CRB1: variants seen among roughly 807,000 people sequenced by gnomAD.
CRB1 encodes the protein protein crumbs homolog 1.
Under a neutral mutation model 120.0 loss-of-function variants are expected in CRB1, and 83 were observed. The observed-to-expected ratio is 0.69, with a 90% confidence interval of 0.58 to 0.83. CRB1 has a LOEUF of 0.83. Among genes scored for constraint, CRB1 ranks in the 40% least tolerant of loss-of-function variants. CRB1 has a pLI of 0.00. For synonymous variants in CRB1, 625 were observed against 612.5 expected (o/e 1.02, Z -0.30); for missense variants, 1,699 against 1,687.6 (o/e 1.01, Z -0.12).
Position 197,344,397 on chromosome 1 carries a change from G to T in CRB1, c.769G>T (p.Asp257Tyr), listed in dbSNP as rs2125328452. 1 of 1,614,036 alleles carries T rather than the reference G, an allele frequency of 6.2e-7. No individual in the cohort carries two copies. The highest frequency in any genetic ancestry group is 8.5e-7 in the Non-Finnish European group (1 of 1,179,974). The change falls in exon 3 of 12, where the codon GAT (aspartate) becomes TAT (tyrosine). Residue 257 changes from aspartate to tyrosine, a missense_variant. Transcript: ENST00000367400. ...CGACTGTGCCCCTGGATTCCTGGGG[G>T]ATCACTGTGAACTCAACACTGATGA... is the stretch of plus-strand genomic sequence containing the variant. ...FCDCAPGFLGDHCELNTDECA... is the reference protein window; with the variant it reads ...FCDCAPGFLGYHCELNTDECA...
chr1:197,289,426 TA>T (rs1425891296), intron 1 of CRB1, among the ~76,000 whole-genome samples: 1 of 151,856 alleles, frequency 6.6e-6, no homozygotes, highest in African/African-American at 2.4e-5. Flanking sequence ...GCATTTTCTT[TA>T]TCTTCAGTGT....
Position 197,427,917 on chromosome 1 carries a change from C to T in CRB1, c.2592C>T (p.Phe864=). The T allele has an allele frequency of 6.2e-7, 1 of 1,614,014 alleles. No individual in the cohort carries two copies. The highest frequency in any genetic ancestry group is 8.5e-7 in the Non-Finnish European group (1 of 1,179,960). The change falls in exon 7 of 12, where the codon TTC becomes TTT. Residue 864 remains phenylalanine, a synonymous_variant. Coordinates refer to ENST00000367400, the MANE Select transcript of CRB1 (RefSeq NM_201253.3). ...GACTAAACAACCAAAATCTGGAATT[C>T]TTTCCAAATCCAACAAACAATGCAT... ...DVRLNNQNLE[F]FPNPTNNASL... is the part of the protein sequence containing the mutation.
At position 197,333,104 on chromosome 1, in the gene CRB1, C is replaced by A. The variant is rs74136094; in HGVS notation, c.652+4101C>A. The stretch of plus-strand genomic sequence containing the variant: ...AAGAACTCCTCTTACAGAAAAAAAC[C>A]TGTGTTCCTCTGAGCAGCAAAGTAA... On this transcript the variant is annotated intron_variant, in intron 2 of 11. Transcript: ENST00000367400. Among the ~76,000 whole-genome samples, 853 of 152,262 alleles carry A rather than the reference C, an allele frequency of 5.6e-3. 6 individuals carry two copies. Among genetic ancestry groups the A allele is most frequent in the African/African-American group, 0.019 (801 of 41,540 alleles).
At position 197,347,634 on chromosome 1, in the gene CRB1, A is replaced by G. The variant is rs1538037; in HGVS notation, c.988+155A>G. Among the ~76,000 whole-genome samples the G allele has an allele frequency of 0.076, 11,582 of 152,274 alleles. 1,536 individuals are homozygous for G. Among genetic ancestry groups the G allele is most frequent in the African/African-American group, 0.26 (10,927 of 41,494 alleles). On this transcript the variant is annotated intron_variant, in intron 4 of 11. Transcript: ENST00000367400. ...TAGTTTTATTCTTCAGTGCTCACAC[A>G]TATTTACTGCTATACTAAATGTTGT...
chr1:197,214,821 CTT>C, the CRB1 span, among the ~76,000 whole-genome samples: 12 of 152,030 alleles, frequency 7.9e-5, no homozygotes, highest in Admixed American at 5.9e-4. Flanking sequence ...CCTCCAAACT[CTT>C]TTCATGAGCC....
At chr1:197,340,769 A>T (rs529738743) in intron 2 of CRB1, among the ~76,000 whole-genome samples, 60 of 152,156 alleles carry the variant, frequency 3.9e-4, no homozygotes, top group Non-Finnish European at 7.5e-4. Flanking sequence ...GGGTGGCGCA[A>T]ATCAGCACAG....
chr1:197,294,370 C>T (rs1007567020), intron 1 of CRB1, among the ~76,000 whole-genome samples: 23 of 152,118 alleles, frequency 1.5e-4, no homozygotes, highest in African/African-American at 4.8e-4. Flanking sequence ...AATGAGATAC[C>T]ATCTCACACC....
At chr1:197,375,639 G>A (rs1167350561) in intron 5 of CRB1, among the ~76,000 whole-genome samples, 3 of 152,036 alleles carry the variant, frequency 2.0e-5, no homozygotes, top group Non-Finnish European at 2.9e-5. Flanking sequence ...GCCTATGTTT[G>A]GACTACTTTT....
At chr1:197,238,958 T>C in the CRB1 span, among the ~76,000 whole-genome samples, 2 of 152,194 alleles carry the variant, frequency 1.3e-5, no homozygotes, top group African/African-American at 2.4e-5. Flanking sequence ...GTCTTTCTTT[T>C]GGTGTCTTCA....
At chr1:197,335,947 C>G (rs761301248) in intron 2 of CRB1, among the ~76,000 whole-genome samples, 1 of 152,248 alleles carries the variant, frequency 6.6e-6, no homozygotes, top group Non-Finnish European at 1.5e-5. Context: ...ATGGCAATGT[C>G]TAGATTATTC....
chr1:197,346,065 C>T (rs1179718458), intron 3 of CRB1, among the ~76,000 whole-genome samples: 1 of 152,152 alleles, frequency 6.6e-6, no homozygotes, highest in Admixed American at 6.5e-5. Flanking sequence ...AGGACAGAAA[C>T]GACACAACTT....
intron 11 of CRB1, among the ~76,000 whole-genome samples, chr1:197,450,354 T>C (rs1665899022): frequency 6.6e-6 from 1 of 152,108 alleles, no homozygotes; most frequent in African/African-American, 2.4e-5. Context: ...GGCACTACAT[T>C]CCGGGGAAAA....
chr1:197,222,911 A>T, the CRB1 span: 6 of 1,131,558 alleles, frequency 5.3e-6, no homozygotes, highest in Non-Finnish European at 8.1e-6. Context: ...AACAATTCAT[A>T]GTTGCTTCTA....
intron 1 of CRB1, among the ~76,000 whole-genome samples, chr1:197,312,738 T>C (rs562929019): frequency 2.0e-5 from 3 of 152,350 alleles, no homozygotes; most frequent in Non-Finnish European, 2.9e-5. Context: ...CATTTAATAT[T>C]ATTCTTGTAT....
intron 1 of CRB1, among the ~76,000 whole-genome samples, chr1:197,272,166 A>G (rs1654943039): frequency 6.6e-6 from 1 of 152,168 alleles, no homozygotes; most frequent in Non-Finnish European, 1.5e-5. Flanking sequence ...GGGAGTAATC[A>G]CATACTCTTA....
At chr1:197,369,715 C>T (rs540405225) in intron 5 of CRB1, among the ~76,000 whole-genome samples, 6 of 152,272 alleles carry the variant, frequency 3.9e-5, no homozygotes, top group African/African-American at 1.4e-4. Context: ...TGGTCTTTAT[C>T]CCAGAATGCT....
At chr1:197,318,505 A>G (rs1558050241) in intron 1 of CRB1, among the ~76,000 whole-genome samples, 1 of 152,230 alleles carries the variant, frequency 6.6e-6, no homozygotes, top group Non-Finnish European at 1.5e-5. Flanking sequence ...CTGTGTATAC[A>G]TCCAAAGGAA....
intron 1 of CRB1, among the ~76,000 whole-genome samples, chr1:197,312,126 G>GA (rs1263035922): frequency 2.0e-5 from 3 of 152,004 alleles, no homozygotes; most frequent in African/African-American, 4.8e-5. Context: ...TAATGTCCCT[G>GA]AAAAAATATG....
chr1:197,253,079 T>C, the CRB1 span, among the ~76,000 whole-genome samples: 1 of 152,032 alleles, frequency 6.6e-6, no homozygotes, highest in Non-Finnish European at 1.5e-5. Flanking sequence ...ATAACTCCCC[T>C]CTTTACAATC....
Sources: allele counts gnomAD v4.1 joint callset (sites outside exome capture counted in the v4.1 genomes callset), GRCh38; gene constraint gnomAD v4.1.1; transcripts MANE v1.5; gene names NCBI Gene and HGNC (gene_info 2026-07-23, HGNC 2026-07-21).